FBXO34: variants seen among roughly 807,000 people sequenced by gnomAD.
FBXO34 encodes F-box protein 34.
Under a neutral mutation model 24.5 loss-of-function variants are expected in FBXO34, and 12 were observed. The observed-to-expected ratio is 0.49, with a 90% confidence interval of 0.31 to 0.79. FBXO34 has a LOEUF of 0.79. Among genes scored for constraint, FBXO34 ranks in the 30% least tolerant of loss-of-function variants. The probability of loss-of-function intolerance (pLI) is 0.04; values close to 1 mark genes in which losing one functional copy is unlikely to be tolerated. For missense variants in FBXO34, 823 were observed against 857.7 expected (o/e 0.96, Z 0.51); for synonymous variants, 320 against 311.9 (o/e 1.03, Z -0.27).
the FBXO34 span, among the ~76,000 whole-genome samples, chr14:55,399,265 TTTAAA>T: frequency 6.6e-6 from 1 of 152,270 alleles, no homozygotes; most frequent in African/African-American, 2.4e-5. Context: ...ACTATTTAAA[TTTAAA>T]TTAATTAAAA....
chr14:55,365,055 C>CT (rs1461165548), downstream of FBXO34, among the ~76,000 whole-genome samples: 4 of 114,264 alleles, frequency 3.5e-5, no homozygotes, highest in Non-Finnish European at 7.3e-5. Context: ...CCCATCTCTA[C>CT]TTTAAAAAAA....
chr14:55,367,887 A>G (rs998362837), exon 3 of FBXO34: 2 of 152,494 alleles, frequency 1.3e-5, no homozygotes, highest in African/African-American at 4.8e-5. Flanking sequence ...AACACCAAAT[A>G]TACCATTAGC....
intron 1 of FBXO34, among the ~76,000 whole-genome samples, chr14:55,284,512 CCAA>C (rs1881687353): frequency 1.1e-5 from 1 of 87,332 alleles, no homozygotes. Context: ...ACCTCTGTCT[CCAA>C]AAAAAAAAAA....
intron 1 of FBXO34, among the ~76,000 whole-genome samples, chr14:55,316,233 A>T (rs541549146): frequency 6.6e-6 from 1 of 152,094 alleles, no homozygotes; most frequent in African/African-American, 2.4e-5. Context: ...TTGACTACAT[A>T]ATTTGCAGGG....
intron 1 of FBXO34, among the ~76,000 whole-genome samples, chr14:55,279,054 T>G (rs1033637337): frequency 2.6e-5 from 4 of 152,058 alleles, no homozygotes; most frequent in Non-Finnish European, 5.9e-5. Context: ...CCCAGCACTT[T>G]AGGAGGCCGA....
At chr14:55,289,951 G>A (rs1426908067) in intron 1 of FBXO34, among the ~76,000 whole-genome samples, 1 of 152,002 alleles carries the variant, frequency 6.6e-6, no homozygotes, top group Non-Finnish European at 1.5e-5. Context: ...ACATATTGGT[G>A]TATGAAGAGT....
chr14:55,336,112 T>G (rs1883767104), intron 1 of FBXO34, among the ~76,000 whole-genome samples: 1 of 152,204 alleles, frequency 6.6e-6, no homozygotes, highest in Admixed American at 6.5e-5. Flanking sequence ...AACTGCTCAT[T>G]TAGATTACAG....
chr14:55,357,030 C>A (rs560841401), downstream of FBXO34, among the ~76,000 whole-genome samples: 1 of 152,280 alleles, frequency 6.6e-6, no homozygotes, highest in African/African-American at 2.4e-5. Context: ...GTGAGTTGGT[C>A]AAGGTACCTG....
chr14:55,347,171 A>C (rs893818429), intron 1 of FBXO34, among the ~76,000 whole-genome samples: 3 of 152,198 alleles, frequency 2.0e-5, no homozygotes, highest in African/African-American at 7.2e-5. Context: ...TTATAGCAAC[A>C]GTTTAAAATA....
At chr14:55,396,571 C>G in the FBXO34 span, among the ~76,000 whole-genome samples, 5 of 152,186 alleles carry the variant, frequency 3.3e-5, no homozygotes, top group Non-Finnish European at 5.9e-5. Context: ...TAACTGTTTT[C>G]ATCGGGGGTG....
chr14:55,368,617 C>G (rs1884738785), downstream of FBXO34: 1 of 152,204 alleles, frequency 6.6e-6, no homozygotes, highest in Non-Finnish European at 1.5e-5. Flanking sequence ...GCTGTGTCCT[C>G]AGAGCAACAA....
the FBXO34 span, chr14:55,440,568 G>C: frequency 1.3e-6 from 2 of 1,569,988 alleles, no homozygotes; most frequent in South Asian, 2.4e-5. Context: ...GGGCAGCGAG[G>C]CGGGGCGGCC....
intron 1 of FBXO34, among the ~76,000 whole-genome samples, chr14:55,294,455 A>G (rs1324940607): frequency 6.6e-6 from 1 of 151,998 alleles, no homozygotes; most frequent in Non-Finnish European, 1.5e-5. Flanking sequence ...GTTTTGCCAC[A>G]TTGCCCAGGC....
the FBXO34 span, among the ~76,000 whole-genome samples, chr14:55,408,746 C>T: frequency 8.8e-3 from 1,342 of 152,104 alleles, 32 homozygotes; most frequent in South Asian, 0.062. Context: ...ACTCCAGCCT[C>T]GGTGACAGAG....
At chr14:55,405,313 A>G in the FBXO34 span, among the ~76,000 whole-genome samples, 1 of 152,312 alleles carries the variant, frequency 6.6e-6, no homozygotes, top group African/African-American at 2.4e-5. Context: ...TGAAATCTGC[A>G]ATAATATTTA....
chr14:55,363,325 G>A (rs1002806100), downstream of FBXO34, among the ~76,000 whole-genome samples: 1 of 143,690 alleles, frequency 7.0e-6, no homozygotes, highest in Non-Finnish European at 1.5e-5. Flanking sequence ...ATGAGCCACC[G>A]AACTTGGCCT....
downstream of FBXO34, among the ~76,000 whole-genome samples, chr14:55,365,611 C>T (rs1884661978): frequency 6.6e-6 from 1 of 152,200 alleles, no homozygotes; most frequent in South Asian, 2.1e-4. Context: ...TCAATCATGA[C>T]ATAACTCAGG....
intron 1 of FBXO34, among the ~76,000 whole-genome samples, chr14:55,336,015 A>G (rs1180972687): frequency 6.6e-6 from 1 of 152,186 alleles, no homozygotes; most frequent in Non-Finnish European, 1.5e-5. Context: ...AAAATTTCCT[A>G]TGCATTTATT....
the FBXO34 span, chr14:55,414,373 A>G: frequency 6.3e-7 from 1 of 1,591,934 alleles, no homozygotes; most frequent in South Asian, 1.2e-5. Context: ...ATGCTGAATG[A>G]TATGCTCAGG....
Sources: allele counts gnomAD v4.1 joint callset (sites outside exome capture counted in the v4.1 genomes callset), GRCh38; gene constraint gnomAD v4.1.1; transcripts MANE v1.5; gene names NCBI Gene and HGNC (gene_info 2026-07-23, HGNC 2026-07-21).